PREX2: variants seen among roughly 807,000 people sequenced by gnomAD.
PREX2 encodes phosphatidylinositol 3,4,5-trisphosphate-dependent Rac exchanger 2 protein.
In PREX2, 107 loss-of-function variants were observed where a neutral mutation model predicts 203.2. That is an observed-to-expected ratio of 0.53 (90% CI 0.45 to 0.62). PREX2 has a LOEUF of 0.62. PREX2 is among the 20% of genes least tolerant of loss of function. PREX2 has a pLI of 0.00. For synonymous variants in PREX2, 672 were observed against 663.6 expected, an observed-to-expected ratio of 1.01 and a Z score of -0.19; for missense variants, 1,777 against 1,955.9, an observed-to-expected ratio of 0.91 and a Z score of 1.72.
chr8:67,980,937 A>G (rs549080894), intron 1 of PREX2, among the ~76,000 whole-genome samples: 68 of 152,320 alleles, frequency 4.5e-4, no homozygotes, highest in African/African-American at 1.4e-3. Flanking sequence ...GTGAGAATGG[A>G]CTAATACAAC....
chr8:68,023,740 A>G (rs951405057), intron 4 of PREX2, among the ~76,000 whole-genome samples: 10 of 151,876 alleles, frequency 6.6e-5, no homozygotes, highest in African/African-American at 2.4e-4. Context: ...TTTTGATGCT[A>G]TTGTGATTGA....
At position 68,069,156 on chromosome 8, in the gene PREX2, C is replaced by T. The variant is rs1371592204; in HGVS notation, c.1443+20C>T. 1.8e-6 allele frequency: 2 copies of T among 1,128,624 alleles called. No homozygotes were observed. Among genetic ancestry groups the T allele is most frequent in the Non-Finnish European group, 1.3e-6 (1 of 766,268 alleles). The allele number at this position is 1,128,624 out of a possible 1,614,324, so 69.9% of individuals were successfully genotyped here. A position where few individuals can be genotyped will look rare whatever the true frequency, so the allele number is the denominator to read the frequency against. The stretch of plus-strand genomic sequence containing the variant: ...TCAAAGGTAACGACCTCTCCCACAA[C>T]CTCTCCAATAGTAGAATGCATGTTG... On this transcript the variant is annotated intron_variant, in intron 12 of 39. Transcript: ENST00000288368.
At position 68,192,394 on chromosome 8, in the gene PREX2, A is replaced by G; in HGVS notation, c.4473A>G (p.Arg1491=). 1 of 1,613,902 alleles carries G rather than the reference A, an allele frequency of 6.2e-7. No homozygotes were observed. The highest frequency in any genetic ancestry group is 2.2e-5 in the East Asian group (1 of 44,856). Residue 1491 remains arginine, a synonymous_variant, in exon 37 of 40, where the codon AGA becomes AGG. Transcript: ENST00000288368. ...ELYRLVASFI[R]SKRTAACANT... is the part of the protein sequence containing the mutation. Reference sequence around the variant, plus strand: ...ACCGACTGGTAGCCTCGTTTATCAGATCCAAGCGCACAGCTGCCTGTGCAA... The same window carrying G: ...ACCGACTGGTAGCCTCGTTTATCAGGTCCAAGCGCACAGCTGCCTGTGCAA...
intron 13 of PREX2, among the ~76,000 whole-genome samples, chr8:68,071,591 T>G (rs543994478): frequency 6.6e-6 from 1 of 152,294 alleles, no homozygotes; most frequent in African/African-American, 2.4e-5. Context: ...GAATTATAGG[T>G]TTCTGCCCTT....
At chr8:68,041,403 C>G (rs16934039) in intron 7 of PREX2, among the ~76,000 whole-genome samples, 1,838 of 152,148 alleles carry the variant, frequency 0.012, 35 homozygotes, top group African/African-American at 0.042. Flanking sequence ...GTAATTCTGC[C>G]ATGTGGATTG....
chr8:68,210,333 C>G (rs1229469545), intron 37 of PREX2, among the ~76,000 whole-genome samples: 1 of 152,082 alleles, frequency 6.6e-6, no homozygotes, highest in Non-Finnish European at 1.5e-5. Context: ...GATCATCACC[C>G]TAGATTTTCA....
intron 25 of PREX2, among the ~76,000 whole-genome samples, chr8:68,114,546 G>C (rs964484032): frequency 6.6e-6 from 1 of 152,182 alleles, no homozygotes; most frequent in South Asian, 2.1e-4. Context: ...TTTTGAGTTA[G>C]TTGTAACAGA....
chr8:68,217,523 G>T, intron 37 of PREX2, 93 bp from the exon 38 acceptor site: 2 of 856,160 alleles, frequency 2.3e-6, no homozygotes, highest in East Asian at 2.6e-5. Context: ...TATTTTGGCT[G>T]GTGCTTTCTG....
rs771021370 is a variant in PREX2 at position 68,103,707 on chromosome 8, A to T, written c.2715+3864A>T. 1.5e-5 allele frequency: 8 copies of T among 519,388 alleles called. 1 individual carries two copies. The East Asian group carries it at 3.8e-4, about 25-fold the overall frequency. 32.2% of individuals were successfully genotyped at this position (519,388 alleles called of 1,614,324 possible). ...CTATCCTGATAGCATTCCTTGTCTT[A>T]GTGGGATCTGATGCAGTTGACCGTA... On this transcript the variant is annotated intron_variant, in intron 23 of 39. Transcript: ENST00000288368.
chr8:67,959,044 G>A (rs1369773342), intron 1 of PREX2, among the ~76,000 whole-genome samples: 2 of 152,172 alleles, frequency 1.3e-5, no homozygotes, highest in African/African-American at 2.4e-5. Context: ...ATGGCATAAG[G>A]AGAGCAATTA....
intron 1 of PREX2, among the ~76,000 whole-genome samples, chr8:67,982,190 G>A (rs998300763): frequency 1.3e-5 from 2 of 152,122 alleles, no homozygotes; most frequent in African/African-American, 4.8e-5. Flanking sequence ...CAACACTTTG[G>A]GAGGCAGGAG....
At chr8:68,080,957 A>T in intron 17 of PREX2, 119 bp downstream of exon 17, 1 of 681,876 alleles carries the variant, frequency 1.5e-6, no homozygotes, top group Admixed American at 2.8e-5. Context: ...TTTATCAAAC[A>T]TAATGTCTCT....
At chr8:68,192,742 G>A (rs1345362494) in intron 37 of PREX2, 2 of 408,218 alleles carry the variant, frequency 4.9e-6, no homozygotes, top group South Asian at 7.6e-5. Flanking sequence ...ATATCATTGT[G>A]GCCCAAAATC....
At chr8:68,062,701 T>C (rs559046474) in intron 11 of PREX2, among the ~76,000 whole-genome samples, 61 of 152,328 alleles carry the variant, frequency 4.0e-4, no homozygotes, top group African/African-American at 1.3e-3. Flanking sequence ...CATGACCCTT[T>C]GACTTTTAGA....
chr8:67,970,137 T>C (rs2129018882), intron 1 of PREX2, among the ~76,000 whole-genome samples: 1 of 152,290 alleles, frequency 6.6e-6, no homozygotes, highest in African/African-American at 2.4e-5. Flanking sequence ...TGAAGTTGTT[T>C]TGTTTATTGA....
At chr8:67,966,809 C>T (rs1051193386) in intron 1 of PREX2, among the ~76,000 whole-genome samples, 7 of 152,138 alleles carry the variant, frequency 4.6e-5, no homozygotes, top group African/African-American at 1.7e-4. Context: ...TATTTTTATT[C>T]TTCATGGTCC....
chr8:68,215,853 A>G (rs2129615259), intron 37 of PREX2, among the ~76,000 whole-genome samples: 2 of 152,298 alleles, frequency 1.3e-5, no homozygotes, highest in South Asian at 4.1e-4. Context: ...TGATTTTTTA[A>G]ACATGAACTA....
At position 68,105,095 on chromosome 8, in the gene PREX2, A is replaced by G. The variant is rs765246112; in HGVS notation, c.2716-3014A>G. ...TTGCACAATCAGGATGTTCTCATGC[A>G]TGAACCACCATCAATTCAAGAACTG... On this transcript the variant is annotated intron_variant, in intron 23 of 39. Transcript: ENST00000288368. The G allele has an allele frequency of 1.0e-5, 14 of 1,354,290 alleles. No homozygotes were observed. The Admixed American group carries it at 1.9e-4, about 19-fold the overall frequency. The allele number at this position is 1,354,290 out of a possible 1,614,324, so 83.9% of individuals were successfully genotyped here.
Position 68,199,402 on chromosome 8 carries a change from A to G in PREX2, c.4604+6877A>G, listed in dbSNP as rs188514345. Among the ~76,000 whole-genome samples, 4 of 152,358 alleles carry G rather than the reference A, an allele frequency of 2.6e-5. No individual in the cohort carries two copies. The East Asian group carries it at 7.7e-4, about 29-fold the overall frequency. ...ATGATTTGGAAATTCACATTTAACA[A>G]TGCTGGGTATATTTTCACATTTAAC... is the stretch of plus-strand genomic sequence containing the variant. On this transcript the variant is annotated intron_variant, in intron 37 of 39. Coordinates refer to ENST00000288368, the MANE Select transcript of PREX2 (RefSeq NM_024870.4).
Sources: allele counts gnomAD v4.1 joint callset (sites outside exome capture counted in the v4.1 genomes callset), GRCh38; gene constraint gnomAD v4.1.1; transcripts MANE v1.5; gene names NCBI Gene and HGNC (gene_info 2026-07-23, HGNC 2026-07-21).